Variants in SPAG7 observed in about 807,000 individuals in gnomAD.
SPAG7 encodes the protein sperm associated antigen 7, also known as sperm-associated antigen 7.
A neutral mutation model predicts 30.6 loss-of-function variants in SPAG7; 20 were observed. The ratio of observed to expected loss-of-function variants is 0.65; its 90% CI spans 0.46 to 0.95. SPAG7 has a LOEUF of 0.95. Ranked by LOEUF, SPAG7 falls within the 40% of genes least tolerant of loss-of-function variation. The pLI is 0.00. For missense variants in SPAG7, 276 were observed against 291.1 expected, an observed-to-expected ratio of 0.95 and a Z score of 0.38; for synonymous variants, 127 against 104.2, an observed-to-expected ratio of 1.22 and a Z score of -1.33.
intron 1 of SPAG7, 88 bp from the exon 2 acceptor site, chr17:4,960,941 C>A (rs914197868): frequency 8.7e-7 from 1 of 1,143,148 alleles, no homozygotes; most frequent in Non-Finnish European, 1.3e-6. Flanking sequence ...GTGGTGTCCA[C>A]TGGGAGGTGT....
At chr17:4,962,005 A>ACACAATG (rs1479703274) in intron 1 of SPAG7, among the ~76,000 whole-genome samples, 1 of 152,310 alleles carries the variant, frequency 6.6e-6, no homozygotes, top group Non-Finnish European at 1.5e-5. Context: ...GATTATTAAG[A>ACACAATG]CACAATGTGG....
chr17:4,959,950 G>GC, intron 5 of SPAG7, 34 bp from the exon 6 acceptor site: 1 of 1,612,808 alleles, frequency 6.2e-7, no homozygotes, highest in Non-Finnish European at 8.5e-7. Flanking sequence ...GGTGCTCAGG[G>GC]CCCCAGCCCA....
intron 1 of SPAG7, among the ~76,000 whole-genome samples, chr17:4,963,458 T>TC (rs975433580): frequency 6.9e-6 from 1 of 144,472 alleles, no homozygotes; most frequent in African/African-American, 2.6e-5. Flanking sequence ...GGAATTTTTT[T>TC]TTTTTTTTTT....
intron 1 of SPAG7, chr17:4,966,947 G>A (rs1242856250): frequency 7.1e-6 from 7 of 985,530 alleles, no homozygotes; most frequent in East Asian, 2.3e-4. Flanking sequence ...CGTTCCGCCA[G>A]TATCATCCCA....
chr17:4,959,520 GC>G lies in SPAG7; in HGVS notation c.*13del, dbSNP rs1567675563. 6.2e-7 allele frequency: 1 copy of G among 1,606,764 alleles called. No homozygotes were observed. On this transcript the variant is annotated 3_prime_UTR_variant, in exon 7 of 7. Coordinates refer to ENST00000206020, the MANE Select transcript of SPAG7 (RefSeq NM_004890.3). ...TGCCCTGCCCCAGGGGTCAAAGGGA[GC>G]TGGGCGGGGCGCCTAGGAGGTTGGC...
chr17:4,963,844 C>G (rs1298472046), intron 1 of SPAG7, among the ~76,000 whole-genome samples: 2 of 152,172 alleles, frequency 1.3e-5, no homozygotes, highest in Non-Finnish European at 2.9e-5. Flanking sequence ...AATAGATAAT[C>G]TGACACCCTT....
At chr17:4,963,166 G>A (rs1205499056) in intron 1 of SPAG7, among the ~76,000 whole-genome samples, 1 of 152,168 alleles carries the variant, frequency 6.6e-6, no homozygotes, top group South Asian at 2.1e-4. Flanking sequence ...GCCAAGGTGG[G>A]AGGACTGCTT....
rs1971830728 is a variant in SPAG7 at position 4,959,879 on chromosome 17, T to TGCTGGGCTGCCTCCTCCTCTTGCC, written c.431_454dup (p.Arg144_Gln151dup). The stretch of plus-strand genomic sequence containing the variant: ...GGCAGGGCTCACCACCACAGGCCCC[T>TGCTGGGCTGCCTCCTCCTCTTGCC]GCTGGGCTGCCTCCTCCTCTTGCCT... On this transcript the variant is annotated inframe_insertion, in exon 6 of 7. Coordinates refer to ENST00000206020, the MANE Select transcript of SPAG7 (RefSeq NM_004890.3). 1 of 1,613,746 alleles carries TGCTGGGCTGCCTCCTCCTCTTGCC rather than the reference T, an allele frequency of 6.2e-7. No homozygotes were observed. The highest frequency in any genetic ancestry group is 8.5e-7 in the Non-Finnish European group (1 of 1,180,018).
chr17:4,962,418 T>G (rs993688649), intron 1 of SPAG7, among the ~76,000 whole-genome samples: 1 of 151,996 alleles, frequency 6.6e-6, no homozygotes, highest in African/African-American at 2.4e-5. Context: ...CCCGGCCTAT[T>G]TATTTTTGGG....
intron 1 of SPAG7, among the ~76,000 whole-genome samples, chr17:4,961,397 C>A (rs1971860794): frequency 6.7e-6 from 1 of 149,498 alleles, no homozygotes; most frequent in Admixed American, 6.7e-5. Context: ...GCAGAGATTG[C>A]AGTGAGCTGA....
chr17:4,966,665 A>AT, intron 1 of SPAG7: 10 of 985,216 alleles, frequency 1.0e-5, no homozygotes, highest in Non-Finnish European at 1.2e-5. Flanking sequence ...TCTCACAGTT[A>AT]TTTTTCTCTC....
chr17:4,967,215 GA>G (rs1380216097), intron 1 of SPAG7: 17 of 990,902 alleles, frequency 1.7e-5, no homozygotes, highest in Non-Finnish European at 2.0e-5. Context: ...AATTAAGCAG[GA>G]GGGGCAAGAA....
chr17:4,959,388 C>CA lies in SPAG7; in HGVS notation c.*145dup. On this transcript the variant is annotated 3_prime_UTR_variant, in exon 7 of 7. Coordinates refer to ENST00000206020, the MANE Select transcript of SPAG7 (RefSeq NM_004890.3). ...TATCCAAGCTCCAACGGTGACAAAT[C>CA]AAACACCTGTTTTCCCCCAGCCTGA... The CA allele has an allele frequency of 3.0e-6, 2 of 658,514 alleles. No homozygotes were observed. Among genetic ancestry groups the CA allele is most frequent in the Non-Finnish European group, 2.7e-6 (1 of 374,858 alleles). The allele number at this position is 658,514 out of a possible 1,614,324, so 40.8% of individuals were successfully genotyped here.
chr17:4,964,357 C>CTTTT (rs1169648266), intron 1 of SPAG7, among the ~76,000 whole-genome samples: 47 of 110,062 alleles, frequency 4.3e-4, no homozygotes, highest in Non-Finnish European at 5.5e-4. Flanking sequence ...TCCTTTACAT[C>CTTTT]TTTTTTTTTT....
At position 4,959,574 on chromosome 17, in the gene SPAG7, C is replaced by T. The variant is rs1330551441; in HGVS notation, c.644G>A (p.Arg215His). ...CAACTCTTCCCCACTCTGCCGCAGA[C>T]GCTTCTTGGCTCTGATCTCATTCAT... is the stretch of plus-strand genomic sequence containing the variant. ...EAMNEIRAKK[R>H]LRQSGEELPP... The change falls in exon 7 of 7, where the codon CGT becomes CAT. Residue 215 changes from arginine (R) to histidine (H), a missense_variant. Arg to His is a conservative substitution (Grantham distance 29). Coordinates refer to ENST00000206020, the MANE Select transcript of SPAG7 (RefSeq NM_004890.3). The T allele has an allele frequency of 5.6e-6, 9 of 1,613,946 alleles. No individual in the cohort carries two copies. The highest frequency in any genetic ancestry group is 5.0e-5 in the Admixed American group (3 of 60,012).
intron 1 of SPAG7, among the ~76,000 whole-genome samples, chr17:4,961,295 A>G (rs1971858393): frequency 6.6e-6 from 1 of 151,978 alleles, no homozygotes; most frequent in Non-Finnish European, 1.5e-5. Flanking sequence ...CATCTCTACT[A>G]AAAATACAAA....
chr17:4,964,428 C>G (rs1238085990), intron 1 of SPAG7, among the ~76,000 whole-genome samples: 1 of 141,260 alleles, frequency 7.1e-6, no homozygotes. Context: ...GTGGCGCAAT[C>G]TCCGCTCACT....
rs1387455427 is a variant in SPAG7, at chr17:4,960,049, C to T, written c.390G>A (p.Gln130=). ...SYRRGEEWDP[Q]KAEEKRKLKE... is the part of the protein sequence containing the mutation. ...TCAGCTTCCGCTTCTCCTCAGCCTT[C>T]TGGGGGTCCCATTCCTCTCCACGAC... The change falls in exon 5 of 7, where the codon CAG becomes CAA. Residue 130 remains glutamine, a synonymous_variant. Transcript: ENST00000206020. The T allele has an allele frequency of 2.5e-6, 4 of 1,614,094 alleles. No homozygotes were observed. Among genetic ancestry groups the T allele is most frequent in the Non-Finnish European group, 2.5e-6 (3 of 1,180,040 alleles).
At chr17:4,961,139 T>C (rs994995059) in intron 1 of SPAG7, among the ~76,000 whole-genome samples, 1 of 152,172 alleles carries the variant, frequency 6.6e-6, no homozygotes, top group Non-Finnish European at 1.5e-5. Context: ...TAAAGTTTAA[T>C]TTATAAATTA....
Sources: allele counts gnomAD v4.1 joint callset (sites outside exome capture counted in the v4.1 genomes callset), GRCh38; gene constraint gnomAD v4.1.1; transcripts MANE v1.5; gene names NCBI Gene and HGNC (gene_info 2026-07-23, HGNC 2026-07-21).